The following FSTL5 variants were observed in gnomAD, a reference collection of about 807,000 sequenced individuals.
FSTL5 encodes the protein follistatin-related protein 5.
A neutral mutation model predicts 89.1 loss-of-function variants in FSTL5; 62 were observed. The ratio of observed to expected loss-of-function variants is 0.70; its 90% CI spans 0.57 to 0.86. The LOEUF is 0.86. Ranked by LOEUF, FSTL5 falls within the 40% of genes least tolerant of loss-of-function variation. FSTL5 has a pLI of 0.00. For synonymous variants in FSTL5, 383 were observed against 346.2 expected, an observed-to-expected ratio of 1.11 and a Z score of -1.18; for missense variants, 1,057 against 1,001.6, an observed-to-expected ratio of 1.06 and a Z score of -0.75.
intron 7 of FSTL5, among the ~76,000 whole-genome samples, chr4:161,623,542 A>G (rs972208598): frequency 3.1e-4 from 47 of 151,898 alleles, no homozygotes; most frequent in African/African-American, 1.0e-3. Context: ...TTATTATACA[A>G]TGAAGTGATA....
intron 3 of FSTL5, among the ~76,000 whole-genome samples, chr4:162,029,166 AGTGT>A (rs10604800): frequency 0.46 from 54,788 of 120,258 alleles, 10,184 homozygotes; most frequent in Middle Eastern, 0.65. Flanking sequence ...AGAGAGAGAG[AGTGT>A]GTGTGTGTGT....
chr4:161,864,589 A>G (rs1217478220), intron 4 of FSTL5, among the ~76,000 whole-genome samples: 1 of 152,064 alleles, frequency 6.6e-6, no homozygotes, highest in African/African-American at 2.4e-5. Context: ...AGCATTAATG[A>G]GGGCAGGTGT....
chr4:161,523,152 C>G (rs1731095508), intron 10 of FSTL5, among the ~76,000 whole-genome samples: 1 of 152,002 alleles, frequency 6.6e-6, no homozygotes, highest in Admixed American at 6.6e-5. Flanking sequence ...CAAAATAAAG[C>G]AAGCATGTGT....
At chr4:161,672,078 T>C (rs1400688534) in intron 6 of FSTL5, among the ~76,000 whole-genome samples, 2 of 152,136 alleles carry the variant, frequency 1.3e-5, no homozygotes, top group Non-Finnish European at 2.9e-5. Flanking sequence ...GTAAACTGCT[T>C]ACACAGAAAT....
At chr4:161,513,209 G>A (rs1239068796) in intron 10 of FSTL5, among the ~76,000 whole-genome samples, 1 of 149,552 alleles carries the variant, frequency 6.7e-6, no homozygotes, top group African/African-American at 2.5e-5. Flanking sequence ...GTCCCAAAGA[G>A]TTTTAAGCAA....
intron 7 of FSTL5, among the ~76,000 whole-genome samples, chr4:161,605,058 G>T (rs548585846): frequency 1.1e-4 from 16 of 152,102 alleles, no homozygotes; most frequent in African/African-American, 2.9e-4. Context: ...AAAACAAATG[G>T]TCAACTATGT....
At chr4:161,534,945 C>G (rs1560942084) in intron 10 of FSTL5, among the ~76,000 whole-genome samples, 1 of 152,068 alleles carries the variant, frequency 6.6e-6, no homozygotes, top group African/African-American at 2.4e-5. Context: ...TTATCTTTGA[C>G]AAAATAGACA....
Position 161,459,243 on chromosome 4 carries a change from C to A in FSTL5, c.1685G>T (p.Gly562Val). The A allele has an allele frequency of 1.9e-6, 3 of 1,612,180 alleles. No homozygotes were observed. Among genetic ancestry groups the A allele is most frequent in the Non-Finnish European group, 2.5e-6 (3 of 1,178,446 alleles). ...SHDQVWVLSW[G>V]TLEKTSPTLQ... ...TGTTGGTGATGTCTTCTCCAAGGTA[C>A]CCCAGCTTAGCACCCAGACCTGATC... The change falls in exon 14 of 16, where the codon GGT (glycine) becomes GTT (valine). Residue 562 changes from glycine to valine, a missense_variant. Gly to Val is a moderately radical substitution (Grantham distance 109). This residue lies in a region of FSTL5 where 980 missense variants were observed against 903.2 expected (regional missense o/e 1.08). Coordinates refer to ENST00000306100, the MANE Select transcript of FSTL5 (RefSeq NM_020116.5).
At chr4:162,146,830 G>A (rs112451846) in intron 1 of FSTL5, among the ~76,000 whole-genome samples, 20,723 of 150,416 alleles carry the variant, frequency 0.14, 1,936 homozygotes, top group Non-Finnish European at 0.19. Flanking sequence ...TCTGTTGCCC[G>A]GGAGTGCAGT....
At chr4:162,056,296 A>G (rs113688606) in intron 2 of FSTL5, among the ~76,000 whole-genome samples, 2 of 152,050 alleles carry the variant, frequency 1.3e-5, no homozygotes, top group African/African-American at 2.4e-5. Context: ...AATGCTGATG[A>G]TTTTCATCAG....
At chr4:162,134,033 C>T (rs1732422257) in intron 1 of FSTL5, among the ~76,000 whole-genome samples, 1 of 152,168 alleles carries the variant, frequency 6.6e-6, no homozygotes, top group Admixed American at 6.5e-5. Context: ...GGGTAAATCA[C>T]TGAAATTGTT....
At chr4:162,030,233 T>A (rs1737469039) in intron 3 of FSTL5, among the ~76,000 whole-genome samples, 1 of 152,080 alleles carries the variant, frequency 6.6e-6, no homozygotes, top group African/African-American at 2.4e-5. Flanking sequence ...ATTATATACT[T>A]TGGATATGAT....
intron 3 of FSTL5, among the ~76,000 whole-genome samples, chr4:161,977,603 A>G (rs1427982215): frequency 3.4e-4 from 43 of 124,896 alleles, no homozygotes; most frequent in Non-Finnish European, 6.1e-4. Context: ...ACACAGCGAG[A>G]CTCCGTGTCA....
At chr4:161,580,208 C>T (rs1185358242) in intron 8 of FSTL5, among the ~76,000 whole-genome samples, 2 of 152,128 alleles carry the variant, frequency 1.3e-5, no homozygotes, top group African/African-American at 4.8e-5. Flanking sequence ...CATAATTTGA[C>T]ATGAGAAACA....
At chr4:161,940,043 G>A (rs1052102027) in intron 3 of FSTL5, among the ~76,000 whole-genome samples, 2 of 151,766 alleles carry the variant, frequency 1.3e-5, no homozygotes, top group African/African-American at 2.4e-5. Flanking sequence ...ATAAGCCCAT[G>A]ATTTCAGAAA....
At chr4:162,003,387 T>C (rs1736522623) in intron 3 of FSTL5, among the ~76,000 whole-genome samples, 2 of 152,174 alleles carry the variant, frequency 1.3e-5, no homozygotes, top group Non-Finnish European at 2.9e-5. Context: ...CCTTTCATAA[T>C]GTATCCTAGA....
At chr4:161,712,966 C>T (rs1029095700) in intron 6 of FSTL5, among the ~76,000 whole-genome samples, 1 of 152,124 alleles carries the variant, frequency 6.6e-6, no homozygotes, top group Non-Finnish European at 1.5e-5. Flanking sequence ...TATTATACCG[C>T]CTGCAGAACT....
At chr4:161,603,464 CA>C (rs1394055966) in intron 7 of FSTL5, among the ~76,000 whole-genome samples, 1 of 152,014 alleles carries the variant, frequency 6.6e-6, no homozygotes, top group African/African-American at 2.4e-5. Flanking sequence ...CGTGCAAACA[CA>C]AAGAAAAGGT....
chr4:161,562,885 T>C (rs1029695337), intron 8 of FSTL5, among the ~76,000 whole-genome samples: 12 of 152,008 alleles, frequency 7.9e-5, no homozygotes, highest in African/African-American at 2.9e-4. Flanking sequence ...CTCATATACA[T>C]AGAATTATAC....
Sources: gnomAD v4.1 joint callset for allele counts (sites outside exome capture counted in the v4.1 genomes callset) on GRCh38, gnomAD v4.1.1 for gene constraint, gnomAD v4.1.1 regional missense constraint, MANE v1.5 for transcripts, NCBI Gene and HGNC (gene_info 2026-07-23, HGNC 2026-07-21) for gene names.